The following SLC39A12 variants were observed in gnomAD, a reference collection of about 807,000 sequenced individuals.
SLC39A12 encodes the protein zinc transporter ZIP12.
SLC39A12 carries 63 observed loss-of-function variants against 71.1 expected under a neutral mutation model. The ratio of observed to expected loss-of-function variants is 0.89; its 90% CI spans 0.72 to 1.09. The LOEUF is 1.09. Ranked by LOEUF, SLC39A12 falls within the 50% of genes least tolerant of loss-of-function variation. The probability of loss-of-function intolerance (pLI) is 0.00; values close to 1 mark genes in which losing one functional copy is unlikely to be tolerated. For synonymous variants in SLC39A12, 351 were observed against 301.3 expected (o/e 1.16, Z -1.71); for missense variants, 892 against 812.6 (o/e 1.10, Z -1.19).
chr10:17,966,986 T>A (rs959630604), intron 4 of SLC39A12, among the ~76,000 whole-genome samples: 3 of 151,676 alleles, frequency 2.0e-5, no homozygotes, highest in African/African-American at 7.3e-5. Context: ...AAAAAAAAAA[T>A]TCAGTTAGTG....
In SLC39A12 at chr10:18,042,897, A is replaced by G. The variant is rs750222616; in HGVS notation, c.*64A>G. The G allele has an allele frequency of 2.6e-5, 36 of 1,403,358 alleles. No individual in the cohort carries two copies. The highest frequency in any genetic ancestry group is 3.4e-5 in the Non-Finnish European group (35 of 1,040,308). 86.9% of individuals were successfully genotyped at this position (1,403,358 alleles called of 1,614,324 possible). ...AGTCTTACTTTGTTTCTTTCATTGC[A>G]CTCTATAATGATTTTTAAATTAAGA... On this transcript the variant is annotated 3_prime_UTR_variant, in exon 13 of 13. Transcript: ENST00000377369.
chr10:17,987,245 G>A (rs1386179070), intron 6 of SLC39A12, among the ~76,000 whole-genome samples: 2 of 151,882 alleles, frequency 1.3e-5, no homozygotes, highest in Non-Finnish European at 1.5e-5. Context: ...TGAGGTGGGA[G>A]GATCACTTGA....
chr10:18,022,415 G>T (rs1263059738), intron 12 of SLC39A12, among the ~76,000 whole-genome samples: 1 of 151,566 alleles, frequency 6.6e-6, no homozygotes, highest in Non-Finnish European at 1.5e-5. Context: ...ATCTTGGTCT[G>T]TTCTGCTGTC....
At chr10:17,990,298 A>G (rs1835510528) in intron 7 of SLC39A12, among the ~76,000 whole-genome samples, 2 of 152,196 alleles carry the variant, frequency 1.3e-5, no homozygotes, top group Non-Finnish European at 2.9e-5. Context: ...ATACATATGT[A>G]TACTCACATA....
At chr10:18,014,594 T>C (rs1483896628) in intron 12 of SLC39A12, among the ~76,000 whole-genome samples, 1 of 152,186 alleles carries the variant, frequency 6.6e-6, no homozygotes, top group Non-Finnish European at 1.5e-5. Flanking sequence ...TTTTCCCTTC[T>C]TCAATTTTAA....
At chr10:17,983,389 G>A (rs1269117555) in intron 6 of SLC39A12, among the ~76,000 whole-genome samples, 1 of 152,082 alleles carries the variant, frequency 6.6e-6, no homozygotes, top group Non-Finnish European at 1.5e-5. Flanking sequence ...TTGGGGGGCT[G>A]AGGTGGGAGG....
At position 17,991,282 on chromosome 10, in the gene SLC39A12, T is replaced by C; in HGVS notation, c.1401T>C (p.Leu467=). The C allele has an allele frequency of 6.3e-7, 1 of 1,591,020 alleles. No homozygotes were observed. The highest frequency in any genetic ancestry group is 8.5e-7 in the Non-Finnish European group (1 of 1,173,174). ...TCTTGATAGAAAAATGTTTTATTCT[T>C]CTTGTATCACCAAATGACAAGGTAT... ...GFFLIEKCFI[L]LVSPNDKQGL... The change falls in exon 8 of 13, where the codon CTT becomes CTC. Residue 467 remains leucine (L), a synonymous_variant. Transcript: ENST00000377369.
At chr10:17,992,272 T>G (rs1298290108) in intron 8 of SLC39A12, among the ~76,000 whole-genome samples, 1 of 152,096 alleles carries the variant, frequency 6.6e-6, no homozygotes, top group Non-Finnish European at 1.5e-5. Flanking sequence ...AATCATAGGA[T>G]CAAGGAAGTG....
intron 10 of SLC39A12, among the ~76,000 whole-genome samples, chr10:17,999,298 A>G (rs1835769138): frequency 1.1e-5 from 1 of 94,712 alleles, no homozygotes; most frequent in South Asian, 3.6e-4. Context: ...CCATCTCAAA[A>G]AAAAAAAAAA....
At chr10:17,965,792 T>A in intron 4 of SLC39A12, 102 bp downstream of exon 4, 1 of 921,346 alleles carries the variant, frequency 1.1e-6, no homozygotes, top group South Asian at 1.7e-5. Flanking sequence ...CGTTCAGGTA[T>A]GTTTTAAATA....
chr10:18,030,415 T>G (rs1836808099), intron 12 of SLC39A12, among the ~76,000 whole-genome samples: 1 of 151,536 alleles, frequency 6.6e-6, no homozygotes, highest in South Asian at 2.1e-4. Context: ...TTTTTTGTAT[T>G]TTTTTAGTAG....
In SLC39A12 at chr10:17,973,548, T is replaced by C. The variant is rs545216520; in HGVS notation, c.752-4354T>C. ...AGTTTTCTTCCTTTAGCACTTTAAA[T>C]ATGTTATGCCACTCTCTCGTGGCCT... On this transcript the variant is annotated intron_variant, in intron 4 of 12. Transcript: ENST00000377369. 1.8e-4 allele frequency among the ~76,000 whole-genome samples: 28 copies of C among 152,298 alleles called. No homozygotes were observed. The South Asian group carries it at 5.2e-3, about 28-fold the overall frequency.
intron 10 of SLC39A12, among the ~76,000 whole-genome samples, chr10:17,998,092 G>A (rs2130837268): frequency 6.6e-6 from 1 of 152,216 alleles, no homozygotes; most frequent in Non-Finnish European, 1.5e-5. Context: ...TCTGCCTCCT[G>A]GGTTTAAGCG....
intron 8 of SLC39A12, among the ~76,000 whole-genome samples, chr10:17,992,269 G>T (rs965193828): frequency 6.6e-6 from 1 of 152,100 alleles, no homozygotes; most frequent in Non-Finnish European, 1.5e-5. Flanking sequence ...AATAATCATA[G>T]GATCAAGGAA....
chr10:18,014,986 A>C (rs1014967135), intron 12 of SLC39A12, among the ~76,000 whole-genome samples: 1 of 152,228 alleles, frequency 6.6e-6, no homozygotes, highest in Non-Finnish European at 1.5e-5. Flanking sequence ...ACAACTAGCA[A>C]GATGGCTAGA....
At chr10:18,036,787 TATA>T (rs1461487862) in intron 12 of SLC39A12, among the ~76,000 whole-genome samples, 144 of 12,614 alleles carry the variant, frequency 0.011, 5 homozygotes, top group Non-Finnish European at 0.017. Context: ...TATATATATA[TATA>T]TATATTTTTT....
In SLC39A12 at chr10:18,027,616, C is replaced by CCTT. The variant is rs1185925974; in HGVS notation, c.1948-15087_1948-15085dup. On this transcript the variant is annotated intron_variant, in intron 12 of 12. Transcript: ENST00000377369. Reference sequence around the variant, plus strand: ...ATTCATTGCAGTCAGATTTTCTTAACCTTCCACTGACTGGTTCTAGCAGAG... The same window carrying CCTT: ...ATTCATTGCAGTCAGATTTTCTTAACCTTCTTCCACTGACTGGTTCTAGCAGAG... 3.3e-5 allele frequency among the ~76,000 whole-genome samples: 5 copies of CCTT among 152,324 alleles called. No individual in the cohort carries two copies. The East Asian group carries it at 9.7e-4, about 29-fold the overall frequency.
chr10:17,981,242 A>T (rs894616856), intron 5 of SLC39A12, 70 bp from the exon 6 acceptor site: 4 of 1,392,660 alleles, frequency 2.9e-6, no homozygotes, highest in Non-Finnish European at 3.9e-6. Flanking sequence ...CTCCTCAAGG[A>T]TGACAACTGG....
At position 17,984,123 on chromosome 10, in the gene SLC39A12, G is replaced by C. The variant is rs1001065076; in HGVS notation, c.1096+2640G>C. Among the ~76,000 whole-genome samples the C allele has an allele frequency of 7.2e-5, 11 of 152,346 alleles. 1 individual carries two copies. In the East Asian group the frequency reaches 1.5e-3, roughly 21 times the overall value. ...TCTGTTGTAATAATGGGAAACTTTA[G>C]AACCTGTCTGCAAGTTGCCTGATGC... On this transcript the variant is annotated intron_variant, in intron 6 of 12. Transcript: ENST00000377369.
Sources: allele counts gnomAD v4.1 joint callset (sites outside exome capture counted in the v4.1 genomes callset), GRCh38; gene constraint gnomAD v4.1.1; transcripts MANE v1.5; gene names NCBI Gene and HGNC (gene_info 2026-07-23, HGNC 2026-07-21).